The following TENM4 variants were observed in gnomAD, a reference collection of about 807,000 sequenced individuals.
TENM4 encodes teneurin-4.
In TENM4, 82 loss-of-function variants were observed where a neutral mutation model predicts 243.3. The ratio of observed to expected loss-of-function variants is 0.34; its 90% confidence interval spans 0.28 to 0.40. The LOEUF is 0.40. TENM4 is among the 10% of genes least tolerant of loss of function. TENM4 has a pLI of 1.00. For missense variants in TENM4, 3,138 were observed against 3,673.3 expected (o/e 0.85, Z 3.77); for synonymous variants, 1,412 against 1,456.3 (o/e 0.97, Z 0.69).
chr11:78,689,026 C>G (rs1858753418), intron 28 of TENM4, among the ~76,000 whole-genome samples: 1 of 152,082 alleles, frequency 6.6e-6, no homozygotes, highest in Admixed American at 6.5e-5. Context: ...TCATGTAATC[C>G]TCATTTAATA....
chr11:79,187,164 T>G (rs1040430752), intron 3 of TENM4, among the ~76,000 whole-genome samples: 2 of 152,190 alleles, frequency 1.3e-5, no homozygotes, highest in Non-Finnish European at 2.9e-5. Flanking sequence ...GCTGTTGAAC[T>G]CCAGGGCAAC....
At chr11:79,204,893 ATACACAG>A (rs1863818193) in intron 3 of TENM4, among the ~76,000 whole-genome samples, 2 of 152,236 alleles carry the variant, frequency 1.3e-5, no homozygotes, top group African/African-American at 4.8e-5. Flanking sequence ...ACAACGGGTT[ATACACAG>A]TGGTAAGTTC....
intron 20 of TENM4, among the ~76,000 whole-genome samples, chr11:78,733,154 T>C (rs2135883543): frequency 6.6e-6 from 1 of 152,340 alleles, no homozygotes; most frequent in East Asian, 1.9e-4. Flanking sequence ...GCCTTTGCAA[T>C]TACAAAATAG....
rs569983823 is a variant in TENM4, at chr11:78,879,237, G to A, written c.1084+10548C>T. On this transcript the variant is annotated intron_variant, in intron 9 of 33. Coordinates refer to ENST00000278550, the MANE Select transcript of TENM4 (RefSeq NM_001098816.3). ...AGAAGCGCCTCTGCCCGGTCGCCCC[G>A]TCTGGGAGGTGAGGAGCGCCTCTGC... is the stretch of plus-strand genomic sequence containing the variant. Among the ~76,000 whole-genome samples, 887 of 144,466 alleles carry A rather than the reference G, an allele frequency of 6.1e-3. 5 individuals carry two copies. The highest frequency in any genetic ancestry group is 0.022 in the African/African-American group (833 of 38,538). The allele number at this position is 144,466 out of a possible 152,430, so 94.8% of individuals were successfully genotyped here. A position where few individuals can be genotyped will look rare whatever the true frequency, so the allele number is the denominator to read the frequency against.
chr11:79,164,036 ATATACACTATAAATACTAT>A (rs1862830615), intron 3 of TENM4, among the ~76,000 whole-genome samples: 3 of 121,990 alleles, frequency 2.5e-5, no homozygotes, highest in African/African-American at 9.5e-5. Flanking sequence ...TATATAGTAT[ATATACACTATAAATACTAT>A]GTATATATAG....
rs535480786 is a variant in TENM4, at chr11:79,264,171, C to T, written c.-265+33317G>A. ...CCGACTGTGAAGAAACCAGGCTATC[C>T]TTCTCACTGAGATACCACGGGAGCA... On this transcript the variant is annotated intron_variant, in intron 2 of 33. Coordinates refer to ENST00000278550, the MANE Select transcript of TENM4 (RefSeq NM_001098816.3). Among the ~76,000 whole-genome samples the T allele has an allele frequency of 2.6e-3, 392 of 152,278 alleles. 1 individual carries two copies. Among genetic ancestry groups the T allele is most frequent in the African/African-American group, 9.0e-3 (373 of 41,560 alleles).
At chr11:79,208,980 T>TTTGTTTG (rs1280837110) in intron 3 of TENM4, among the ~76,000 whole-genome samples, 1 of 152,166 alleles carries the variant, frequency 6.6e-6, no homozygotes, top group Non-Finnish European at 1.5e-5. Flanking sequence ...CTCGGGCCAC[T>TTTGTTTG]ACCTCAGTGG....
At chr11:78,755,471 C>T (rs1265923366) in intron 19 of TENM4, among the ~76,000 whole-genome samples, 52 of 152,136 alleles carry the variant, frequency 3.4e-4, no homozygotes. Context: ...GCCCAGCCTC[C>T]TCGGGCAACC....
chr11:79,298,521 C>CAAAAAAAAAA (rs61373828), intron 1 of TENM4, among the ~76,000 whole-genome samples: 1 of 17,268 alleles, frequency 5.8e-5, no homozygotes, highest in Non-Finnish European at 1.8e-4. Flanking sequence ...GACTCCGTCT[C>CAAAAAAAAAA]AAAAAAAAAA....
chr11:79,044,889 A>G (rs1859621397), intron 6 of TENM4, among the ~76,000 whole-genome samples: 1 of 152,188 alleles, frequency 6.6e-6, no homozygotes, highest in African/African-American at 2.4e-5. Context: ...TGAAGTGAAT[A>G]AAGCGAATAA....
At chr11:79,224,564 C>A (rs1233092754) in intron 2 of TENM4, among the ~76,000 whole-genome samples, 1 of 152,036 alleles carries the variant, frequency 6.6e-6, no homozygotes, top group African/African-American at 2.4e-5. Context: ...CAGAGTGGGG[C>A]CTTATTTGGA....
At chr11:79,345,582 G>A (rs900559077) in intron 1 of TENM4, among the ~76,000 whole-genome samples, 1 of 152,144 alleles carries the variant, frequency 6.6e-6, no homozygotes, top group Non-Finnish European at 1.5e-5. Flanking sequence ...TACGGAAAAA[G>A]CACACTCTTC....
intron 12 of TENM4, among the ~76,000 whole-genome samples, chr11:78,850,390 G>A (rs1316463823): frequency 6.6e-6 from 1 of 152,100 alleles, no homozygotes; most frequent in Non-Finnish European, 1.5e-5. Flanking sequence ...TGAAGGAAGG[G>A]TCAGATTCCA....
rs540671916 is a variant in TENM4, at chr11:79,325,105, T to C, written c.-320-27562A>G. On this transcript the variant is annotated intron_variant, in intron 1 of 33. Coordinates refer to ENST00000278550, the MANE Select transcript of TENM4 (RefSeq NM_001098816.3). ...GTTGGAATATTCCAACGTTGGCACG[T>C]GGAAGAGAGAGAGAGAGGAAGGATG... is the stretch of plus-strand genomic sequence containing the variant. Among the ~76,000 whole-genome samples, 9 of 152,168 alleles carry C rather than the reference T, an allele frequency of 5.9e-5. No individual in the cohort carries two copies. The South Asian group carries it at 1.9e-3, about 32-fold the overall frequency.
intron 6 of TENM4, among the ~76,000 whole-genome samples, chr11:79,020,482 A>G (rs548739215): frequency 6.6e-6 from 1 of 152,314 alleles, no homozygotes; most frequent in South Asian, 2.1e-4. Context: ...TTGGAGCTGT[A>G]TTCTCTATTA....
intron 1 of TENM4, chr11:79,401,978 C>A: frequency 5.5e-6 from 2 of 361,662 alleles, no homozygotes; most frequent in Non-Finnish European, 1.3e-5. Flanking sequence ...TGAGATCCCT[C>A]AGGGAGGGTG....
Position 78,653,030 on chromosome 11 carries a change from C to A in TENM4, c.*5028G>T, listed in dbSNP as rs1857808006. On this transcript the variant is annotated 3_prime_UTR_variant, in exon 34 of 34. Coordinates refer to ENST00000278550, the MANE Select transcript of TENM4 (RefSeq NM_001098816.3). ...GGGAGCCACGCTGCACTAGTGATGT[C>A]AGAGGAGCTGTGATATTTATTCCTG... is the stretch of plus-strand genomic sequence containing the variant. The A allele has an allele frequency of 6.6e-6, 1 of 152,340 alleles. No homozygotes were observed. The highest frequency in any genetic ancestry group is 1.9e-4 in the East Asian group (1 of 5,170). 9.4% of individuals were successfully genotyped at this position (152,340 alleles called of 1,614,324 possible).
At chr11:78,918,912 G>T (rs1856383427) in intron 6 of TENM4, among the ~76,000 whole-genome samples, 1 of 152,176 alleles carries the variant, frequency 6.6e-6, no homozygotes, top group Non-Finnish European at 1.5e-5. Flanking sequence ...ACATGGGTTT[G>T]AATCCCAGCT....
chr11:78,715,715 G>A (rs760216142), intron 25 of TENM4, among the ~76,000 whole-genome samples: 2 of 152,176 alleles, frequency 1.3e-5, no homozygotes, highest in African/African-American at 2.4e-5. Context: ...CTTAGCTGTC[G>A]AATGACTAAG....
Sources: allele counts gnomAD v4.1 joint callset (sites outside exome capture counted in the v4.1 genomes callset), GRCh38; gene constraint gnomAD v4.1.1; transcripts MANE v1.5; gene names NCBI Gene and HGNC (gene_info 2026-07-23, HGNC 2026-07-21).